ZNF644: variants seen among roughly 807,000 people sequenced by gnomAD.
ZNF644 encodes zinc finger protein 644, also known as zinc finger motif enhancer binding protein 2.
Under a neutral mutation model 108.0 loss-of-function variants are expected in ZNF644, and 20 were observed. The observed-to-expected ratio is 0.19, with a 90% CI of 0.13 to 0.27. The LOEUF (loss-of-function observed/expected upper bound fraction) is 0.27. Ranked by LOEUF, ZNF644 falls within the 10% of genes least tolerant of loss-of-function variation. ZNF644 has a pLI of 1.00. For missense variants in ZNF644, 1,338 were observed against 1,548.9 expected (o/e 0.86, Z 2.29); for synonymous variants, 542 against 539.1 (o/e 1.01, Z -0.08).
At chr1:91,013,484 TACACAC>T (rs772232056) in intron 1 of ZNF644, among the ~76,000 whole-genome samples, 1 of 104,978 alleles carries the variant, frequency 9.5e-6, no homozygotes, top group Non-Finnish European at 2.1e-5. Flanking sequence ...CACACACACA[TACACAC>T]ACACACACAC....
At chr1:90,993,715 T>C (rs1657862797) in intron 1 of ZNF644, among the ~76,000 whole-genome samples, 1 of 152,182 alleles carries the variant, frequency 6.6e-6, no homozygotes, top group African/African-American at 2.4e-5. Context: ...TGTCACAAAA[T>C]TTTTCAAACT....
chr1:90,941,058 C>A lies in ZNF644; in HGVS notation c.296G>T (p.Gly99Val). ...GGQSSLFIHA[G>V]APTVSSENFI... Reference sequence around the variant, plus strand: ...GTTTTCACTAGAAACAGTAGGAGCACCAGCATGTATAAATAGACTAGACTG... The same window carrying A: ...GTTTTCACTAGAAACAGTAGGAGCAACAGCATGTATAAATAGACTAGACTG... The change falls in exon 3 of 6, where the codon GGT (glycine) becomes GTT (valine). Residue 99 changes from glycine (G) to valine (V), a missense_variant. Transcript: ENST00000337393. The A allele has an allele frequency of 6.2e-7, 1 of 1,614,098 alleles. No homozygotes were observed. Among genetic ancestry groups the A allele is most frequent in the Non-Finnish European group, 8.5e-7 (1 of 1,179,978 alleles).
intron 1 of ZNF644, among the ~76,000 whole-genome samples, chr1:90,987,480 G>A (rs1355966172): frequency 6.6e-6 from 1 of 151,792 alleles, no homozygotes; most frequent in African/African-American, 2.4e-5. Context: ...ACGAGGACAT[G>A]AAAAATAAAA....
At chr1:90,986,319 AAAC>A (rs1052386651) in intron 1 of ZNF644, among the ~76,000 whole-genome samples, 4 of 148,314 alleles carry the variant, frequency 2.7e-5, no homozygotes, top group African/African-American at 9.9e-5. Flanking sequence ...TGAAAAGAAA[AAAC>A]AAAAAACAAA....
chr1:91,013,106 C>T (rs1465122497), intron 1 of ZNF644, among the ~76,000 whole-genome samples: 2 of 152,098 alleles, frequency 1.3e-5, no homozygotes, highest in African/African-American at 4.8e-5. Flanking sequence ...CTGAGTCTCA[C>T]TCTGTCGCCC....
At chr1:91,002,753 C>T (rs149677077) in intron 1 of ZNF644, among the ~76,000 whole-genome samples, 1,956 of 151,976 alleles carry the variant, frequency 0.013, 41 homozygotes, top group African/African-American at 0.044. Flanking sequence ...ACCTACAGAA[C>T]GGGAGAAAAT....
intron 1 of ZNF644, among the ~76,000 whole-genome samples, chr1:91,007,219 C>CTTT (rs1557658445): frequency 3.5e-5 from 4 of 114,244 alleles, no homozygotes; most frequent in Non-Finnish European, 7.3e-5. Context: ...CATTTTCTCC[C>CTTT]ATTTTGTTTT....
At chr1:90,966,583 C>A (rs1204400149) in intron 2 of ZNF644, among the ~76,000 whole-genome samples, 1 of 151,824 alleles carries the variant, frequency 6.6e-6, no homozygotes, top group Non-Finnish European at 1.5e-5. Flanking sequence ...AACCCTGTCT[C>A]TATTAAAAAT....
rs1256721900 is a variant in ZNF644, at chr1:90,916,449, C to G, written c.*349G>C. 1 of 226,016 alleles carries G rather than the reference C, an allele frequency of 4.4e-6. No individual in the cohort carries two copies. Among genetic ancestry groups the G allele is most frequent in the Non-Finnish European group, 8.8e-6 (1 of 113,632 alleles). 14.0% of individuals were successfully genotyped at this position (226,016 alleles called of 1,614,324 possible). ...CAAGTCTTGTGGGGAATAAACAGAGCCTTGATTCTGGTAACACTGCAAAAA... is the reference window on the plus strand; with the variant it reads ...CAAGTCTTGTGGGGAATAAACAGAGGCTTGATTCTGGTAACACTGCAAAAA... On this transcript the variant is annotated 3_prime_UTR_variant, in exon 6 of 6. Transcript: ENST00000337393.
intron 2 of ZNF644, among the ~76,000 whole-genome samples, chr1:90,948,274 A>C (rs950490817): frequency 4.6e-5 from 7 of 152,224 alleles, no homozygotes; most frequent in Non-Finnish European, 1.0e-4. Context: ...AAAAGCTAAG[A>C]ATGTTCAAAG....
Position 90,940,660 on chromosome 1 carries a change from A to G in ZNF644, c.694T>C (p.Leu232=). Residue 232 remains leucine (L), a synonymous_variant, in exon 3 of 6, where the codon TTG becomes CTG. Coordinates refer to ENST00000337393, the MANE Select transcript of ZNF644 (RefSeq NM_201269.3). ...GTATTGACACAATCATCTTTCACCA[A>G]TAAATCTTCACCATCCTCACCCACC... ...VEVGEDGEDL[L]VKDDCVNTVT... is the part of the protein sequence containing the mutation. 6.2e-7 allele frequency: 1 copy of G among 1,614,016 alleles called. No individual in the cohort carries two copies. The highest frequency in any genetic ancestry group is 2.2e-5 in the East Asian group (1 of 44,862).
chr1:91,015,260 G>C (rs953080150), intron 1 of ZNF644, among the ~76,000 whole-genome samples: 2 of 152,072 alleles, frequency 1.3e-5, no homozygotes, highest in East Asian at 3.9e-4. Context: ...TTAAAGAGGG[G>C]GAACTGATAA....
intron 2 of ZNF644, among the ~76,000 whole-genome samples, chr1:90,964,078 A>C (rs919177619): frequency 2.6e-5 from 4 of 152,174 alleles, no homozygotes; most frequent in African/African-American, 9.6e-5. Context: ...CTTTCTTGTT[A>C]TACTTCAAGA....
intron 1 of ZNF644, among the ~76,000 whole-genome samples, chr1:91,013,490 C>T (rs1570587482): frequency 6.6e-6 from 1 of 150,958 alleles, no homozygotes; most frequent in South Asian, 2.1e-4. Flanking sequence ...CACATACACA[C>T]ACACACACAC....
intron 2 of ZNF644, among the ~76,000 whole-genome samples, chr1:90,959,881 A>C (rs553081705): frequency 6.6e-6 from 1 of 152,172 alleles, no homozygotes; most frequent in Non-Finnish European, 1.5e-5. Flanking sequence ...ACCACAGTCC[A>C]AAAATATTAA....
In ZNF644 at chr1:90,921,082, TA is replaced by T. The variant is rs369994961; in HGVS notation, c.3689-2929del. On this transcript the variant is annotated intron_variant, in intron 4 of 5. Transcript: ENST00000337393. ...GGACATCTATATAGGATCCTCTACA[TA>T]AAAGGATGATTTACACAGAAAATTT... Among the ~76,000 whole-genome samples, 16 of 152,150 alleles carry T rather than the reference TA, an allele frequency of 1.1e-4. No individual in the cohort carries two copies. In the South Asian group the frequency reaches 3.3e-3, roughly 32 times the overall value.
chr1:90,987,246 GTTTTTTTTTTT>G (rs55996875), intron 1 of ZNF644, among the ~76,000 whole-genome samples: 8 of 121,126 alleles, frequency 6.6e-5, no homozygotes, highest in African/African-American at 2.3e-4. Context: ...CCTAGAGTTG[GTTTTTTTTTTT>G]TTTTTTTTTT....
chr1:90,956,814 C>A (rs1281150657), intron 2 of ZNF644, among the ~76,000 whole-genome samples: 1 of 151,944 alleles, frequency 6.6e-6, no homozygotes, highest in Non-Finnish European at 1.5e-5. Flanking sequence ...GACTCTGTCT[C>A]AAAAACAAAA....
chr1:90,929,201 A>G (rs889456998), intron 4 of ZNF644, among the ~76,000 whole-genome samples: 6 of 152,214 alleles, frequency 3.9e-5, no homozygotes, highest in Non-Finnish European at 8.8e-5. Context: ...CTCAATTCCC[A>G]GCTGCCCTCA....
Sources: gnomAD v4.1 joint callset for allele counts (sites outside exome capture counted in the v4.1 genomes callset) on GRCh38, gnomAD v4.1.1 for gene constraint, MANE v1.5 for transcripts, NCBI Gene and HGNC (gene_info 2026-07-23, HGNC 2026-07-21) for gene names.